RASSF3: variants seen among roughly 807,000 people sequenced by gnomAD.
RASSF3 encodes the protein Ras association domain family member 3, also known as ras association domain-containing protein 3.
In RASSF3, 19 loss-of-function variants were observed where a neutral mutation model predicts 19.9. The observed-to-expected ratio is 0.96, with a 90% CI of 0.67 to 1.40. RASSF3 has a LOEUF of 1.40. Ranked by LOEUF, RASSF3 falls within the 40% of genes most tolerant of loss-of-function variation. The pLI is 0.00. For missense variants in RASSF3, 306 were observed against 289.8 expected, an observed-to-expected ratio of 1.06 and a Z score of -0.41; for synonymous variants, 110 against 104.2, an observed-to-expected ratio of 1.06 and a Z score of -0.34.
intron 1 of RASSF3, among the ~76,000 whole-genome samples, chr12:64,537,027 C>A (rs1868841975): frequency 6.6e-6 from 1 of 152,204 alleles, no homozygotes; most frequent in African/African-American, 2.4e-5. Flanking sequence ...CCGTGCTCAT[C>A]TTCTTGACTT....
chr12:64,605,352 TC>T (rs1337607577), intron 2 of RASSF3, among the ~76,000 whole-genome samples: 1 of 144,060 alleles, frequency 6.9e-6, no homozygotes, highest in Non-Finnish European at 1.6e-5. Context: ...TTTAAATACC[TC>T]TGCTATGGGT....
At chr12:64,610,159 G>A (rs960668759), upstream of RASSF3, among the ~76,000 whole-genome samples, 1 of 152,150 alleles carries the variant, frequency 6.6e-6, no homozygotes, top group Non-Finnish European at 1.5e-5. Context: ...TCCGAAACTC[G>A]AGCCAGCGAG....
rs773056911 is a variant in RASSF3, at chr12:64,694,745, TTC to T, written c.568-16_568-15del. On this transcript the variant is annotated splice_polypyrimidine_tract_variant and intron_variant, in intron 4 of 4. Coordinates refer to ENST00000542104, the MANE Select transcript of RASSF3 (RefSeq NM_178169.4). Reference sequence around the variant, plus strand: ...AGTATTAAACATCTGGCATTTTTCTTTCTGTGTTTCCTGACAGTGGGAAGCCT... The same window carrying T: ...AGTATTAAACATCTGGCATTTTTCTTTGTGTTTCCTGACAGTGGGAAGCCT... The T allele has an allele frequency of 4.6e-5, 74 of 1,613,740 alleles. No individual in the cohort carries two copies. The highest frequency in any genetic ancestry group is 5.8e-5 in the Non-Finnish European group (69 of 1,179,906).
intron 1 of RASSF3, among the ~76,000 whole-genome samples, chr12:64,509,102 A>G (rs769154554): frequency 6.6e-6 from 1 of 152,304 alleles, no homozygotes; most frequent in Middle Eastern, 3.4e-3. Context: ...TTGGGAAGTT[A>G]GAGCCCCAAA....
At chr12:64,690,146 T>C (rs1592473950) in intron 3 of RASSF3, among the ~76,000 whole-genome samples, 2 of 151,706 alleles carry the variant, frequency 1.3e-5, no homozygotes, top group Middle Eastern at 6.9e-3. Flanking sequence ...TGTTTTTATG[T>C]TCTTTGGATG....
intron 2 of RASSF3, among the ~76,000 whole-genome samples, chr12:64,578,960 C>T (rs978911215): frequency 6.6e-6 from 1 of 152,034 alleles, no homozygotes; most frequent in Admixed American, 6.6e-5. Flanking sequence ...GCCTGACCAA[C>T]AAGGTGAAAC....
At chr12:64,590,065 C>CAA (rs10578124) in intron 2 of RASSF3, among the ~76,000 whole-genome samples, 1,754 of 133,456 alleles carry the variant, frequency 0.013, 37 homozygotes, top group African/African-American at 0.048. Context: ...ACTCTTATCT[C>CAA]AAAAAAAAAA....
intron 1 of RASSF3, among the ~76,000 whole-genome samples, chr12:64,650,925 C>T (rs1473983003): frequency 6.6e-6 from 1 of 152,178 alleles, no homozygotes; most frequent in Non-Finnish European, 1.5e-5. Flanking sequence ...ATGACTTGTG[C>T]ATGCGCGATT....
At chr12:64,694,064 C>G (rs1481644128) in intron 4 of RASSF3, among the ~76,000 whole-genome samples, 1 of 152,052 alleles carries the variant, frequency 6.6e-6, no homozygotes, top group African/African-American at 2.4e-5. Context: ...GGGGAGAATG[C>G]GTGCCACTTG....
At chr12:64,540,398 G>A (rs1012476982) in intron 1 of RASSF3, among the ~76,000 whole-genome samples, 2 of 152,112 alleles carry the variant, frequency 1.3e-5, no homozygotes, top group African/African-American at 4.8e-5. Flanking sequence ...TCCTCAAAAA[G>A]TTAAACTTAG....
intron 1 of RASSF3, among the ~76,000 whole-genome samples, chr12:64,508,610 C>T (rs936221633): frequency 4.8e-4 from 73 of 151,896 alleles, no homozygotes; most frequent in African/African-American, 1.7e-3. Context: ...GCAGACCGGG[C>T]GCGGCGGCTC....
intron 1 of RASSF3, among the ~76,000 whole-genome samples, chr12:64,646,789 A>C (rs1179991808): frequency 2.0e-5 from 3 of 151,742 alleles, no homozygotes; most frequent in Non-Finnish European, 4.4e-5. Context: ...AGACCCAGGA[A>C]TAATATGCCT....
At position 64,520,555 on chromosome 12, in the gene RASSF3, C is replaced by CACATATAT. The variant is rs1435123674; in HGVS notation, c.169+13227_169+13228insCATATATA. Among the ~76,000 whole-genome samples the CACATATAT allele has an allele frequency of 8.1e-3, 697 of 85,782 alleles. 10 individuals are homozygous for CACATATAT. The highest frequency in any genetic ancestry group is 0.028 in the East Asian group (61 of 2,178). 56.3% of individuals were successfully genotyped at this position (85,782 alleles called of 152,430 possible). On this transcript the variant is annotated intron_variant, in intron 1 of 5. Coordinates refer to the RASSF3 transcript ENST00000637125. The stretch of plus-strand genomic sequence containing the variant: ...ACACACACAGATACACACATACACA[C>CACATATAT]ATATATATATATATATATATATATA...
chr12:64,662,794 G>A (rs1378950708), intron 1 of RASSF3, among the ~76,000 whole-genome samples: 1 of 152,130 alleles, frequency 6.6e-6, no homozygotes, highest in Non-Finnish European at 1.5e-5. Flanking sequence ...GGACTCCCTG[G>A]TTGTTTCTGG....
intron 2 of RASSF3, among the ~76,000 whole-genome samples, chr12:64,561,471 C>A (rs933121118): frequency 2.6e-5 from 4 of 152,176 alleles, no homozygotes; most frequent in African/African-American, 9.7e-5. Flanking sequence ...TCCCTGACCT[C>A]CTGCATCATG....
At chr12:64,590,848 C>A (rs1238522574) in intron 2 of RASSF3, among the ~76,000 whole-genome samples, 1 of 152,114 alleles carries the variant, frequency 6.6e-6, no homozygotes, top group African/African-American at 2.4e-5. Flanking sequence ...TAATTACAGA[C>A]CCTTTAGGTA....
At chr12:64,657,221 A>C (rs1236538027) in intron 1 of RASSF3, among the ~76,000 whole-genome samples, 1 of 152,082 alleles carries the variant, frequency 6.6e-6, no homozygotes, top group Admixed American at 6.6e-5. Flanking sequence ...CACGTGGGCC[A>C]GGATGGTCTC....
intron 1 of RASSF3, among the ~76,000 whole-genome samples, chr12:64,656,317 G>C (rs1002878896): frequency 4.6e-5 from 7 of 152,130 alleles, no homozygotes; most frequent in African/African-American, 1.7e-4. Context: ...CTATGGGGCT[G>C]TGACTACTAG....
At chr12:64,657,223 G>A (rs1872191144) in intron 1 of RASSF3, among the ~76,000 whole-genome samples, 1 of 152,026 alleles carries the variant, frequency 6.6e-6, no homozygotes, top group Non-Finnish European at 1.5e-5. Context: ...CGTGGGCCAG[G>A]ATGGTCTCGA....
Sources: gnomAD v4.1 joint callset for allele counts (sites outside exome capture counted in the v4.1 genomes callset) on GRCh38, gnomAD v4.1.1 for gene constraint, MANE v1.5 for transcripts, NCBI Gene and HGNC (gene_info 2026-07-23, HGNC 2026-07-21) for gene names.